The following PFKFB3 variants were observed in gnomAD, a reference collection of about 807,000 sequenced individuals.
The protein encoded by PFKFB3 is 6-phosphofructo-2-kinase/fructose-2,6-bisphosphatase 3.
PFKFB3 carries 33 observed loss-of-function variants against 68.0 expected under a neutral mutation model. The observed-to-expected ratio is 0.49, with a 90% CI of 0.37 to 0.65. PFKFB3 has a LOEUF of 0.65. PFKFB3 is among the 30% of genes least tolerant of loss of function. PFKFB3 has a pLI of 0.00. For missense variants in PFKFB3, 586 were observed against 712.2 expected, an observed-to-expected ratio of 0.82 and a Z score of 2.02; for synonymous variants, 315 against 288.2, an observed-to-expected ratio of 1.09 and a Z score of -0.94.
intron 14 of PFKFB3, among the ~76,000 whole-genome samples, chr10:6,243,596 C>T (rs1846189035): frequency 6.6e-6 from 1 of 152,176 alleles, no homozygotes; most frequent in Non-Finnish European, 1.5e-5. Context: ...CCTTCTGGGG[C>T]CTGTTCTCTT....
At chr10:6,178,353 GC>G (rs1842593816) in intron 1 of PFKFB3, among the ~76,000 whole-genome samples, 1 of 152,142 alleles carries the variant, frequency 6.6e-6, no homozygotes, top group Non-Finnish European at 1.5e-5. Context: ...AAACAAAAAT[GC>G]CCTGTCCTCT....
the PFKFB3 span, among the ~76,000 whole-genome samples, chr10:6,291,942 G>C: frequency 6.1e-3 from 865 of 140,694 alleles, 13 homozygotes; most frequent in African/African-American, 0.022. Flanking sequence ...AAGGAAACCA[G>C]TGGTTTTTTT....
intron 14 of PFKFB3, chr10:6,231,497 G>A (rs780488196): frequency 2.4e-5 from 24 of 985,316 alleles, no homozygotes; most frequent in Non-Finnish European, 2.8e-5. Context: ...CTGAGCTGGG[G>A]CCCCTGGGTG....
chr10:6,279,401 A>G, the PFKFB3 span, among the ~76,000 whole-genome samples: 12 of 152,184 alleles, frequency 7.9e-5, no homozygotes, highest in Non-Finnish European at 2.9e-5. Context: ...GTTTCTATCA[A>G]CCTTGGGAAA....
chr10:6,241,459 C>G (rs1374019820), intron 14 of PFKFB3, among the ~76,000 whole-genome samples: 1 of 152,168 alleles, frequency 6.6e-6, no homozygotes, highest in East Asian at 1.9e-4. Flanking sequence ...GTCACTTAGT[C>G]CAGCTCCCTT....
chr10:6,230,206 A>G (rs7904792), intron 14 of PFKFB3, among the ~76,000 whole-genome samples: 36,574 of 152,044 alleles, frequency 0.24, 5,080 homozygotes, highest in East Asian at 0.46. Context: ...CACCTGACTC[A>G]GGTTGGAATT....
intron 2 of PFKFB3, among the ~76,000 whole-genome samples, chr10:6,214,903 C>A (rs554927386): frequency 2.1e-4 from 32 of 152,336 alleles, no homozygotes; most frequent in African/African-American, 5.3e-4. Flanking sequence ...GGCCTCCCCC[C>A]ACCCATCCTC....
chr10:6,190,822 A>C (rs1286678685), intron 1 of PFKFB3, among the ~76,000 whole-genome samples: 1 of 152,168 alleles, frequency 6.6e-6, no homozygotes, highest in Admixed American at 6.5e-5. Flanking sequence ...TCTGTCACCC[A>C]GGCTGGAGTG....
intron 10 of PFKFB3, among the ~76,000 whole-genome samples, chr10:6,222,424 G>T (rs569616207): frequency 5.6e-4 from 85 of 152,342 alleles, no homozygotes; most frequent in African/African-American, 1.8e-3. Context: ...TGTACTCACA[G>T]TGCTGTGCAG....
At chr10:6,265,354 T>A in the PFKFB3 span, among the ~76,000 whole-genome samples, 2 of 152,198 alleles carry the variant, frequency 1.3e-5, no homozygotes, top group Non-Finnish European at 2.9e-5. Flanking sequence ...GTGCTGGGAT[T>A]ACAGGCATGA....
At position 6,206,576 on chromosome 10, in the gene PFKFB3, A is replaced by G. The variant is rs12785005; in HGVS notation, c.76+3240A>G. On this transcript the variant is annotated intron_variant, in intron 1 of 14. Coordinates refer to ENST00000379775, the MANE Select transcript of PFKFB3 (RefSeq NM_004566.4). ...TCCCGGACGGGGCGGCTGGCCGGGCAGGGGCTGACCCCCCCACCTCCCTCC... is the reference window on the plus strand; with the variant it reads ...TCCCGGACGGGGCGGCTGGCCGGGCGGGGGCTGACCCCCCCACCTCCCTCC... Among the ~76,000 whole-genome samples, 162 of 133,806 alleles carry G rather than the reference A, an allele frequency of 1.2e-3. 2 individuals are homozygous for G. The highest frequency in any genetic ancestry group is 7.5e-3 in the Middle Eastern group (2 of 268). 87.8% of individuals were successfully genotyped at this position (133,806 alleles called of 152,430 possible).
At chr10:6,309,785 C>T in the PFKFB3 span, among the ~76,000 whole-genome samples, 12 of 152,070 alleles carry the variant, frequency 7.9e-5, no homozygotes, top group African/African-American at 2.2e-4. Flanking sequence ...GAAAGAGCCA[C>T]GTTTGTCATG....
chr10:6,307,555 TTCCTTCCTTCC>T, the PFKFB3 span, among the ~76,000 whole-genome samples: 1 of 150,748 alleles, frequency 6.6e-6, no homozygotes, highest in Non-Finnish European at 1.5e-5. Flanking sequence ...CCTTCCTTCC[TTCCTTCCTTCC>T]TTCCTCCTTC....
the PFKFB3 span, among the ~76,000 whole-genome samples, chr10:6,280,894 C>T: frequency 0.55 from 82,452 of 150,402 alleles, 25,249 homozygotes; most frequent in Non-Finnish European, 0.71. Flanking sequence ...GATTCTGGTG[C>T]ACCCATCGCC....
intron 2 of PFKFB3, among the ~76,000 whole-genome samples, chr10:6,214,442 G>A (rs1844430496): frequency 2.0e-5 from 3 of 152,020 alleles, no homozygotes. Flanking sequence ...CTGCTGTTGT[G>A]GATGACACAT....
intron 10 of PFKFB3, 170 bp from the exon 11 acceptor site, chr10:6,222,683 CTT>C (rs916446056): frequency 2.2e-5 from 14 of 630,350 alleles, no homozygotes; most frequent in Non-Finnish European, 3.3e-5. Flanking sequence ...GGGCTTCACT[CTT>C]TTTGTGGCTG....
intron 5 of PFKFB3, 80 bp downstream of exon 5, chr10:6,216,860 G>A (rs1844621037): frequency 1.1e-6 from 1 of 942,066 alleles, no homozygotes; most frequent in South Asian, 1.3e-5. Context: ...GTCCTGCTTG[G>A]TCCTTCCCCT....
At chr10:6,275,680 T>C in the PFKFB3 span, among the ~76,000 whole-genome samples, 1 of 152,208 alleles carries the variant, frequency 6.6e-6, no homozygotes, top group African/African-American at 2.4e-5. This position sits in a 1 kb window ranked among gnomAD's most constrained non-coding sequence, Gnocchi z 4.9. Context: ...TGGAGTGTAG[T>C]GGTGCGATCT....
chr10:6,293,278 G>A, the PFKFB3 span: 1 of 414,894 alleles, frequency 2.4e-6, no homozygotes, highest in Non-Finnish European at 4.8e-6. Flanking sequence ...TGATTTCACA[G>A]ATGTTGTGTT....
Sources: allele counts gnomAD v4.1 joint callset (sites outside exome capture counted in the v4.1 genomes callset), GRCh38; gene constraint gnomAD v4.1.1; non-coding constraint Gnocchi (gnomAD v3.1); transcripts MANE v1.5; gene names NCBI Gene and HGNC (gene_info 2026-07-23, HGNC 2026-07-21).